PARP8: variants seen among roughly 807,000 people sequenced by gnomAD.
PARP8 encodes protein mono-ADP-ribosyltransferase PARP8.
Under a neutral mutation model 124.1 loss-of-function variants are expected in PARP8, and 51 were observed. The observed-to-expected ratio is 0.41, with a 90% CI of 0.33 to 0.52. The LOEUF (loss-of-function observed/expected upper bound fraction) is 0.52. PARP8 is among the 20% of genes least tolerant of loss of function. PARP8 has a pLI of 0.21. For synonymous variants in PARP8, 391 were observed against 361.5 expected (o/e 1.08, Z -0.93); for missense variants, 860 against 1,018.9 (o/e 0.84, Z 2.12).
chr5:50,754,835 T>G (rs1364063255), intron 3 of PARP8, among the ~76,000 whole-genome samples: 2 of 152,268 alleles, frequency 1.3e-5, no homozygotes, highest in East Asian at 3.9e-4. Flanking sequence ...CCACATCCTC[T>G]CCAGCACCTG....
intron 14 of PARP8, among the ~76,000 whole-genome samples, chr5:50,813,316 G>C (rs1170019639): frequency 1.3e-5 from 2 of 152,152 alleles, no homozygotes; most frequent in African/African-American, 4.8e-5. Flanking sequence ...CACATCCCTT[G>C]TAAGTTGGAT....
intron 7 of PARP8, among the ~76,000 whole-genome samples, chr5:50,773,728 G>A (rs775652644): frequency 6.6e-6 from 1 of 151,900 alleles, no homozygotes; most frequent in Non-Finnish European, 1.5e-5. Context: ...CATTGAATCT[G>A]TAGGTTGCTT....
At chr5:50,791,763 T>A (rs1741984225) in intron 10 of PARP8, among the ~76,000 whole-genome samples, 1 of 152,138 alleles carries the variant, frequency 6.6e-6, no homozygotes, top group African/African-American at 2.4e-5. Context: ...ATTGCAGATC[T>A]TCAGTTTTCC....
intron 14 of PARP8, among the ~76,000 whole-genome samples, chr5:50,805,794 T>C (rs976467431): frequency 6.6e-6 from 1 of 152,102 alleles, no homozygotes; most frequent in African/African-American, 2.4e-5. Flanking sequence ...GTACTATTTT[T>C]TTGCCAGTCA....
Position 50,834,969 on chromosome 5 carries a change from T to C in PARP8, c.2416T>C (p.Trp806Arg). Reference sequence around the variant, plus strand: ...TGACCTGCACAAACATGGAGAGATATGGGTTGTCCCCAATACTGACCATGT... The same window carrying C: ...TGACCTGCACAAACATGGAGAGATACGGGTTGTCCCCAATACTGACCATGT... ...SSDLHKHGEI[W>R]VVPNTDHVCT... Residue 806 changes from tryptophan to arginine, a missense_variant, in exon 25 of 26, where the codon TGG becomes CGG. Trp to Arg is a moderately radical substitution (Grantham distance 101). Transcript: ENST00000281631. 6.2e-7 allele frequency: 1 copy of C among 1,613,582 alleles called. No homozygotes were observed. The highest frequency in any genetic ancestry group is 8.5e-7 in the Non-Finnish European group (1 of 1,179,714).
intron 2 of PARP8, among the ~76,000 whole-genome samples, chr5:50,706,570 A>G (rs949306044): frequency 5.3e-5 from 8 of 152,110 alleles, no homozygotes; most frequent in Non-Finnish European, 1.0e-4. Context: ...CAAGATCTTC[A>G]TCATTTTGGG....
At chr5:50,825,854 A>G (rs1472805173) in intron 18 of PARP8, among the ~76,000 whole-genome samples, 1 of 152,172 alleles carries the variant, frequency 6.6e-6, no homozygotes, top group East Asian at 1.9e-4. Flanking sequence ...CTTCCTCAAG[A>G]TTCTGATTAC....
At position 50,749,960 on chromosome 5, in the gene PARP8, A is replaced by T. The variant is rs1392052364; in HGVS notation, c.147-191A>T. ...CTAAGACCCATTTAGACTAATGGAA[A>T]GTATATTTTAAAAACCTGTGTTTCT... is the stretch of plus-strand genomic sequence containing the variant. On this transcript the variant is annotated intron_variant, in intron 2 of 25. Coordinates refer to ENST00000281631, the MANE Select transcript of PARP8 (RefSeq NM_024615.4). 2.0e-5 allele frequency among the ~76,000 whole-genome samples: 3 copies of T among 152,256 alleles called. No individual in the cohort carries two copies. In the East Asian group the frequency reaches 5.8e-4, roughly 29 times the overall value.
intron 1 of PARP8, chr5:50,667,681 C>T: frequency 2.9e-6 from 2 of 699,946 alleles, no homozygotes; most frequent in African/African-American, 1.7e-5. Context: ...CTCTAGTCCC[C>T]TCCGACTGGC....
chr5:50,755,595 A>G (rs172202), intron 3 of PARP8, among the ~76,000 whole-genome samples: 1 of 152,128 alleles, frequency 6.6e-6, no homozygotes, highest in Non-Finnish European at 1.5e-5. Flanking sequence ...CTTATAGTAT[A>G]GTTTGAAGTC....
intron 2 of PARP8, among the ~76,000 whole-genome samples, chr5:50,672,658 G>A (rs1464644315): frequency 1.3e-5 from 2 of 152,152 alleles, no homozygotes; most frequent in Non-Finnish European, 2.9e-5. Flanking sequence ...GACTCCAAGG[G>A]TAATTAATTC....
chr5:50,752,336 A>G (rs544529222), intron 3 of PARP8, among the ~76,000 whole-genome samples: 1 of 152,156 alleles, frequency 6.6e-6, no homozygotes, highest in South Asian at 2.1e-4. Context: ...ATTTGCTAGA[A>G]CTTGCAAACA....
chr5:50,795,603 G>A (rs1466517664), intron 12 of PARP8, among the ~76,000 whole-genome samples, 186 bp downstream of exon 12: 1 of 151,670 alleles, frequency 6.6e-6, no homozygotes, highest in Non-Finnish European at 1.5e-5. Flanking sequence ...TGTAAGCTTT[G>A]GTTCTGAAAA....
chr5:50,676,452 C>G (rs1018931601), intron 2 of PARP8, among the ~76,000 whole-genome samples: 1 of 152,224 alleles, frequency 6.6e-6, no homozygotes, highest in Admixed American at 6.5e-5. Flanking sequence ...GTTAAGGGCT[C>G]TCAACCTTTC....
chr5:50,716,830 T>C (rs895176520), intron 2 of PARP8, among the ~76,000 whole-genome samples: 3 of 152,240 alleles, frequency 2.0e-5, no homozygotes, highest in African/African-American at 7.2e-5. Flanking sequence ...TGCTAAAATA[T>C]TTAGTTTCTT....
chr5:50,794,052 C>G (rs368530411), intron 10 of PARP8, among the ~76,000 whole-genome samples, 155 bp from the exon 11 acceptor site: 2 of 152,106 alleles, frequency 1.3e-5, no homozygotes, highest in South Asian at 4.1e-4. Context: ...TGCTTTCCTA[C>G]ATATGAAAAA....
At chr5:50,829,850 C>A in intron 21 of PARP8, 42 bp from the exon 22 acceptor site, 1 of 1,543,644 alleles carries the variant, frequency 6.5e-7, no homozygotes, top group Non-Finnish European at 8.8e-7. Flanking sequence ...TCATTTAAAC[C>A]ATGAACAGAC....
In PARP8 at chr5:50,795,433, C is replaced by A; in HGVS notation, c.1428+16C>A. 6.5e-7 allele frequency: 1 copy of A among 1,550,288 alleles called. No individual in the cohort carries two copies. ...TCAGCTTGCTGTGCGTAAATATTTT[C>A]ATCTTGAGTTCTTAAATGTTAGCTA... On this transcript the variant is annotated intron_variant, in intron 12 of 25. Transcript: ENST00000281631.
At chr5:50,678,923 A>T (rs1403700902) in intron 2 of PARP8, among the ~76,000 whole-genome samples, 2 of 152,032 alleles carry the variant, frequency 1.3e-5, no homozygotes, top group Admixed American at 6.5e-5. Flanking sequence ...GAACAAGGAG[A>T]CTAAGGGGGA....
Sources: allele counts gnomAD v4.1 joint callset (sites outside exome capture counted in the v4.1 genomes callset), GRCh38; gene constraint gnomAD v4.1.1; transcripts MANE v1.5; gene names NCBI Gene and HGNC (gene_info 2026-07-23, HGNC 2026-07-21).